The following VWC2L variants were observed in gnomAD, a reference collection of about 807,000 sequenced individuals.
The protein encoded by VWC2L is von Willebrand factor C domain-containing protein 2-like.
VWC2L carries 10 observed loss-of-function variants against 21.6 expected under a neutral mutation model. That is an observed-to-expected ratio of 0.46 (90% confidence interval 0.29 to 0.78). VWC2L has a LOEUF of 0.78. Among genes scored for constraint, VWC2L ranks in the 30% least tolerant of loss-of-function variants. VWC2L has a pLI of 0.10. For missense variants in VWC2L, 209 were observed against 277.1 expected (o/e 0.75, Z 1.74); for synonymous variants, 96 against 94.3 (o/e 1.02, Z -0.10).
At chr2:214,540,319 C>G (rs957859381) in intron 3 of VWC2L, among the ~76,000 whole-genome samples, 1 of 151,956 alleles carries the variant, frequency 6.6e-6, no homozygotes, top group African/African-American at 2.4e-5. Context: ...AACAGAGCAC[C>G]CCATTTTAAA....
intron 3 of VWC2L, among the ~76,000 whole-genome samples, chr2:214,491,225 T>C (rs1429907968): frequency 1.3e-5 from 2 of 152,110 alleles, no homozygotes; most frequent in African/African-American, 2.4e-5. Flanking sequence ...AATGATATGG[T>C]AATAGGTTAG....
At chr2:214,434,589 A>G (rs1053938912) in intron 2 of VWC2L, among the ~76,000 whole-genome samples, 5 of 152,154 alleles carry the variant, frequency 3.3e-5, no homozygotes, top group Non-Finnish European at 7.4e-5. Flanking sequence ...AGGCCCTGGG[A>G]AAGTTATTAA....
At chr2:214,442,390 G>A (rs541791043) in intron 3 of VWC2L, among the ~76,000 whole-genome samples, 1 of 152,116 alleles carries the variant, frequency 6.6e-6, no homozygotes, top group African/African-American at 2.4e-5. Flanking sequence ...ATGTGAACAG[G>A]TAGTTCACAT....
At chr2:214,542,423 T>G (rs570190922) in intron 3 of VWC2L, among the ~76,000 whole-genome samples, 1 of 152,278 alleles carries the variant, frequency 6.6e-6, no homozygotes, top group East Asian at 1.9e-4. Flanking sequence ...CTGACAAGAC[T>G]TGGATGGTCC....
chr2:214,417,981 A>G (rs570520791), intron 2 of VWC2L, among the ~76,000 whole-genome samples: 44 of 152,112 alleles, frequency 2.9e-4, no homozygotes, highest in African/African-American at 9.9e-4. Context: ...CTACTCATCA[A>G]CCTCTCCAAA....
intron 3 of VWC2L, among the ~76,000 whole-genome samples, chr2:214,549,948 A>T (rs1037069888): frequency 6.6e-6 from 1 of 152,134 alleles, no homozygotes; most frequent in Non-Finnish European, 1.5e-5. Context: ...GCTAAGGCTC[A>T]GAGATAAACA....
At chr2:214,413,319 TA>T (rs1365455321) in intron 1 of VWC2L, among the ~76,000 whole-genome samples, 3 of 152,108 alleles carry the variant, frequency 2.0e-5, no homozygotes, top group Non-Finnish European at 4.4e-5. Context: ...AGTAAATTTA[TA>T]GATAGATCTT....
rs1167686663 is a variant in VWC2L, at chr2:214,546,961, C to T, written c.521-28711C>T. On this transcript the variant is annotated intron_variant, in intron 3 of 3. Coordinates refer to ENST00000312504, the MANE Select transcript of VWC2L (RefSeq NM_001080500.4). ...CTACACTTACTGACTCCTTCTATGC[C>T]ACGTACTGAGTGTCTTTGTGGTGTT... Among the ~76,000 whole-genome samples, 3 of 152,050 alleles carry T rather than the reference C, an allele frequency of 2.0e-5. No homozygotes were observed. The East Asian group carries it at 5.8e-4, about 29-fold the overall frequency.
chr2:214,565,757 C>T (rs141112209), intron 3 of VWC2L, among the ~76,000 whole-genome samples: 5 of 152,236 alleles, frequency 3.3e-5, no homozygotes, highest in Admixed American at 2.0e-4. Flanking sequence ...TTGTGCCCTA[C>T]TGTGTGACAG....
At chr2:214,533,450 T>C (rs1689473958) in intron 3 of VWC2L, among the ~76,000 whole-genome samples, 1 of 151,986 alleles carries the variant, frequency 6.6e-6, no homozygotes, top group South Asian at 2.1e-4. Flanking sequence ...TGCCACTGAC[T>C]TGCTATCTAA....
At chr2:214,560,464 C>T (rs1456731415) in intron 3 of VWC2L, among the ~76,000 whole-genome samples, 15 of 152,050 alleles carry the variant, frequency 9.9e-5, no homozygotes, top group Admixed American at 9.2e-4. Context: ...ACATGACTTC[C>T]ATTGTGGTGT....
At chr2:214,569,485 T>G (rs1306146552) in intron 3 of VWC2L, among the ~76,000 whole-genome samples, 3 of 152,192 alleles carry the variant, frequency 2.0e-5, no homozygotes, top group South Asian at 2.1e-4. Context: ...TTTTCTGATT[T>G]GGGTGACATA....
At chr2:214,416,733 T>G (rs1364541708) in intron 2 of VWC2L, among the ~76,000 whole-genome samples, 1 of 152,088 alleles carries the variant, frequency 6.6e-6, no homozygotes, top group Non-Finnish European at 1.5e-5. Context: ...ATGGAGTTCT[T>G]AAACTTTTTG....
chr2:214,527,833 G>T (rs1689368445), intron 3 of VWC2L, among the ~76,000 whole-genome samples: 1 of 152,094 alleles, frequency 6.6e-6, no homozygotes. Context: ...CTCCATAGTT[G>T]TATCCATGGC....
At chr2:214,539,283 G>T (rs1015504048) in intron 3 of VWC2L, among the ~76,000 whole-genome samples, 1 of 152,090 alleles carries the variant, frequency 6.6e-6, no homozygotes, top group Non-Finnish European at 1.5e-5. Flanking sequence ...CCCTAAAAAT[G>T]TTCGATTCAA....
At chr2:214,478,952 G>A (rs780491803) in intron 3 of VWC2L, among the ~76,000 whole-genome samples, 1 of 152,178 alleles carries the variant, frequency 6.6e-6, no homozygotes, top group Non-Finnish European at 1.5e-5. Context: ...CGCCTCATTA[G>A]GCTTGGGATT....
chr2:214,570,167 A>C (rs11676764), intron 3 of VWC2L, among the ~76,000 whole-genome samples: 1 of 152,064 alleles, frequency 6.6e-6, no homozygotes, highest in East Asian at 1.9e-4. Context: ...GAGAAGATGG[A>C]ATAAAAAGGG....
chr2:214,502,583 A>C (rs1027448323), intron 3 of VWC2L, among the ~76,000 whole-genome samples: 1 of 151,914 alleles, frequency 6.6e-6, no homozygotes, highest in African/African-American at 2.4e-5. Flanking sequence ...AACAAACAAA[A>C]AAAAGTGATA....
At chr2:214,527,607 T>C (rs1237740311) in intron 3 of VWC2L, among the ~76,000 whole-genome samples, 1 of 152,156 alleles carries the variant, frequency 6.6e-6, no homozygotes, top group Non-Finnish European at 1.5e-5. Flanking sequence ...ACCTGGAATA[T>C]CTGTCCCTCA....
Sources: gnomAD v4.1 joint callset for allele counts (sites outside exome capture counted in the v4.1 genomes callset) on GRCh38, gnomAD v4.1.1 for gene constraint, MANE v1.5 for transcripts, NCBI Gene and HGNC (gene_info 2026-07-23, HGNC 2026-07-21) for gene names.